The following NAA25 variants were observed in gnomAD, a reference collection of about 807,000 sequenced individuals.
The protein encoded by NAA25 is N-alpha-acetyltransferase 25, NatB auxiliary subunit, also known as N-terminal acetyltransferase B complex subunit NAA25.
Under a neutral mutation model 132.5 loss-of-function variants are expected in NAA25, and 30 were observed. That is an observed-to-expected ratio of 0.23 (90% CI 0.17 to 0.31). The LOEUF (loss-of-function observed/expected upper bound fraction) is 0.31. NAA25 is among the 10% of genes least tolerant of loss of function. NAA25 has a pLI of 1.00. For synonymous variants in NAA25, 359 were observed against 401.9 expected (o/e 0.89, Z 1.28); for missense variants, 771 against 1,150.4 (o/e 0.67, Z 4.77).
chr12:112,092,898 A>G (rs79624283), intron 2 of NAA25, among the ~76,000 whole-genome samples, 153 bp downstream of exon 2: 32,165 of 151,746 alleles, frequency 0.21, 5,495 homozygotes, highest in East Asian at 0.85. Flanking sequence ...GGCTGGTCTC[A>G]AACTCCTGAC....
chr12:112,043,629 A>C lies in NAA25; in HGVS notation c.2246T>G (p.Ile749Ser). The change falls in exon 18 of 24, where the codon ATT becomes AGT. Residue 749 changes from isoleucine to serine, a missense_variant. This residue lies in a region of NAA25 where 324 missense variants were observed against 400.0 expected (regional missense o/e 0.81). Transcript: ENST00000261745. ...GTAAATATGTATTGATGGTACCTGA[A>C]TATCCTTCTCAATAAATCGCTTTCC... ...ETGKRFIEKD[I>S]QYPFLGPVPT... 1 of 1,614,148 alleles carries C rather than the reference A, an allele frequency of 6.2e-7. No individual in the cohort carries two copies. The highest frequency in any genetic ancestry group is 8.5e-7 in the Non-Finnish European group (1 of 1,180,000).
chr12:112,050,269 A>G (rs909984199), intron 15 of NAA25, among the ~76,000 whole-genome samples: 3 of 152,144 alleles, frequency 2.0e-5, no homozygotes, highest in Admixed American at 6.6e-5. Flanking sequence ...CTACGTGAAG[A>G]AACAACCCCC....
chr12:112,071,830 TAA>T, intron 10 of NAA25, 63 bp downstream of exon 10: 1 of 1,171,692 alleles, frequency 8.5e-7, no homozygotes, highest in South Asian at 1.9e-5. Flanking sequence ...AGATCTCAAC[TAA>T]TGAATATAGC....
chr12:112,047,894 GA>G, intron 16 of NAA25, 104 bp from the exon 17 acceptor site: 1 of 1,202,086 alleles, frequency 8.3e-7, no homozygotes. Flanking sequence ...AAAGAGGAAG[GA>G]AGGGCTCATA....
At chr12:112,048,494 T>C (rs761295250) in intron 15 of NAA25, 51 bp from the exon 16 acceptor site, 2 of 1,532,530 alleles carry the variant, frequency 1.3e-6, no homozygotes, top group Non-Finnish European at 1.8e-6. Flanking sequence ...AGTCAGGCAA[T>C]GTAAGCAAAC....
chr12:112,087,853 G>C, intron 3 of NAA25, 52 bp from the exon 4 acceptor site: 1 of 1,181,884 alleles, frequency 8.5e-7, no homozygotes, highest in East Asian at 2.3e-5. Context: ...CATTCTAATG[G>C]CATTTAATGT....
At chr12:112,039,379 C>A in intron 21 of NAA25, 40 bp from the exon 22 acceptor site, 1 of 1,156,212 alleles carries the variant, frequency 8.6e-7, no homozygotes, top group Non-Finnish European at 1.3e-6. Flanking sequence ...AAGGATTACA[C>A]TAAAAATATC....
intron 13 of NAA25, among the ~76,000 whole-genome samples, chr12:112,055,717 A>G (rs1330028580): frequency 3.3e-5 from 5 of 151,706 alleles, no homozygotes; most frequent in Admixed American, 3.3e-4. Flanking sequence ...AGAATAGAAA[A>G]GGAAAAAAAA....
chr12:112,065,279 T>C (rs959561984), intron 11 of NAA25, among the ~76,000 whole-genome samples: 4 of 151,282 alleles, frequency 2.6e-5, no homozygotes, highest in Non-Finnish European at 5.9e-5. Flanking sequence ...GGCATATCAC[T>C]TGAGGCCAGG....
Position 112,027,453 on chromosome 12 carries a change from A to G in NAA25, c.*2078T>C, listed in dbSNP as rs1033011244. 1.3e-5 allele frequency: 2 copies of G among 152,622 alleles called. No individual in the cohort carries two copies. The highest frequency in any genetic ancestry group is 4.8e-5 in the African/African-American group (2 of 41,454). 9.5% of individuals were successfully genotyped at this position (152,622 alleles called of 1,614,324 possible). A position where few individuals can be genotyped will look rare whatever the true frequency, so the allele number is the denominator to read the frequency against. On this transcript the variant is annotated 3_prime_UTR_variant, in exon 24 of 24. Coordinates refer to ENST00000261745, the MANE Select transcript of NAA25 (RefSeq NM_024953.4). Reference sequence around the variant, plus strand: ...ATCTCAAAATGTGAAAGCTGGATCTAATTGAAATGCTACATTTAGTAGGAA... The same window carrying G: ...ATCTCAAAATGTGAAAGCTGGATCTGATTGAAATGCTACATTTAGTAGGAA...
chr12:112,053,512 G>T, intron 15 of NAA25, 46 bp downstream of exon 15: 1 of 1,323,466 alleles, frequency 7.6e-7, no homozygotes, highest in Non-Finnish European at 1.1e-6. Flanking sequence ...TCAATAGTGT[G>T]CAGTCAGCAG....
intron 1 of NAA25, among the ~76,000 whole-genome samples, chr12:112,105,744 C>T (rs1234242891): frequency 6.6e-6 from 1 of 152,212 alleles, no homozygotes; most frequent in African/African-American, 2.4e-5. Context: ...TGAATCTGAA[C>T]TTGGTGAAGA....
At chr12:112,046,886 A>C (rs1238234974) in intron 17 of NAA25, among the ~76,000 whole-genome samples, 1 of 152,126 alleles carries the variant, frequency 6.6e-6, no homozygotes, top group Non-Finnish European at 1.5e-5. Flanking sequence ...GAACTTAACA[A>C]ATTTATTATT....
At chr12:112,088,319 T>G (rs1392407001) in intron 3 of NAA25, among the ~76,000 whole-genome samples, 2 of 117,024 alleles carry the variant, frequency 1.7e-5, no homozygotes, top group African/African-American at 3.8e-5. Flanking sequence ...ATATTGTAGT[T>G]TTTTTTTTTT....
rs748350101 is a variant in NAA25 at position 112,029,074 on chromosome 12, G to A, written c.*457C>T. 6.2e-6 allele frequency: 1 copy of A among 160,158 alleles called. No individual in the cohort carries two copies. The highest frequency in any genetic ancestry group is 2.4e-5 in the African/African-American group (1 of 41,490). 9.9% of individuals were successfully genotyped at this position (160,158 alleles called of 1,614,324 possible). On this transcript the variant is annotated 3_prime_UTR_variant, in exon 24 of 24. Coordinates refer to ENST00000261745, the MANE Select transcript of NAA25 (RefSeq NM_024953.4). ...ACAAACTTACTGCTGTGAAAAGGGG[G>A]TCTGTTCCCAGGCATGGTCTCCCCT...
intron 21 of NAA25, 174 bp from the exon 22 acceptor site, chr12:112,039,513 C>T (rs1211360790): frequency 6.0e-6 from 3 of 501,026 alleles, no homozygotes; most frequent in Non-Finnish European, 1.1e-5. Flanking sequence ...TCCAGGCCTT[C>T]ATCATCTCCT....
In NAA25 at chr12:112,049,557, G is replaced by A. The variant is rs1021428958; in HGVS notation, c.1729-1114C>T. On this transcript the variant is annotated intron_variant, in intron 15 of 23. Coordinates refer to ENST00000261745, the MANE Select transcript of NAA25 (RefSeq NM_024953.4). The surrounding 1 kb of genome is among the most constrained non-coding windows in gnomAD (Gnocchi z 4.7). ...CACGGGCGCTAATTCAACTGCATTC[G>A]ATGCGGCTTTTAAACCCCCATGGGA... 2.0e-6 allele frequency: 2 copies of A among 985,744 alleles called. No homozygotes were observed. Among genetic ancestry groups the A allele is most frequent in the Admixed American group, 6.1e-5 (1 of 16,268 alleles). The allele number at this position is 985,744 out of a possible 1,614,324, so 61.1% of individuals were successfully genotyped here. A position where few individuals can be genotyped will look rare whatever the true frequency, so the allele number is the denominator to read the frequency against.
At chr12:112,039,134 G>T in intron 22 of NAA25, 95 bp downstream of exon 22, 1 of 643,900 alleles carries the variant, frequency 1.6e-6, no homozygotes, top group Non-Finnish European at 2.5e-6. Context: ...TGGCATATAG[G>T]ATCCTAAGGA....
intron 18 of NAA25, 38 bp from the exon 19 acceptor site, chr12:112,043,249 C>T: frequency 6.5e-7 from 1 of 1,530,178 alleles, no homozygotes; most frequent in African/African-American, 1.4e-5. Flanking sequence ...CTTTTAAATC[C>T]ATCTAAATGC....
Sources: allele counts gnomAD v4.1 joint callset (sites outside exome capture counted in the v4.1 genomes callset), GRCh38; gene constraint gnomAD v4.1.1; regional missense constraint gnomAD v4.1.1; non-coding constraint Gnocchi (gnomAD v3.1); transcripts MANE v1.5; gene names NCBI Gene and HGNC (gene_info 2026-07-23, HGNC 2026-07-21).